The following TBCK variants were observed in gnomAD, a reference collection of about 807,000 sequenced individuals.
The protein encoded by TBCK is TBC1 domain containing kinase.
Under a neutral mutation model 113.4 loss-of-function variants are expected in TBCK, and 99 were observed. That is an observed-to-expected ratio of 0.87 (90% CI 0.74 to 1.03). The LOEUF (loss-of-function observed/expected upper bound fraction) is 1.03, where lower values mean the gene tolerates loss of function less well. Among genes scored for constraint, TBCK ranks in the 50% least tolerant of loss-of-function variants. The pLI, the probability that TBCK is intolerant of heterozygous loss-of-function variation, is 0.00. For synonymous variants in TBCK, 369 were observed against 370.8 expected, an observed-to-expected ratio of 1.00 and a Z score of 0.05; for missense variants, 1,045 against 1,061.3, an observed-to-expected ratio of 0.98 and a Z score of 0.21.
At chr4:106,222,235 T>C (rs960908671) in intron 19 of TBCK, among the ~76,000 whole-genome samples, 10 of 152,048 alleles carry the variant, frequency 6.6e-5, no homozygotes, top group Non-Finnish European at 1.2e-4. Flanking sequence ...CAATGAAATA[T>C]AAAATGAAAA....
chr4:106,194,182 C>T (rs1753959619), intron 21 of TBCK, among the ~76,000 whole-genome samples: 1 of 151,920 alleles, frequency 6.6e-6, no homozygotes, highest in South Asian at 2.1e-4. Flanking sequence ...TTGTAACTTC[C>T]TTTTTCTTAT....
chr4:106,174,207 T>G (rs1751361332), intron 22 of TBCK, among the ~76,000 whole-genome samples: 1 of 152,106 alleles, frequency 6.6e-6, no homozygotes, highest in Non-Finnish European at 1.5e-5. Context: ...TCTTAGGCTA[T>G]CCCCTATATT....
At chr4:106,226,952 T>C (rs958196940) in intron 19 of TBCK, among the ~76,000 whole-genome samples, 3 of 152,090 alleles carry the variant, frequency 2.0e-5, no homozygotes, top group Non-Finnish European at 4.4e-5. Flanking sequence ...TATAACATGG[T>C]CCTTGAAGTC....
In TBCK at chr4:106,296,438, G is replaced by A. The variant is rs1328176987; in HGVS notation, c.194-1272C>T. 2.0e-5 allele frequency among the ~76,000 whole-genome samples: 3 copies of A among 151,998 alleles called. No individual in the cohort carries two copies. In the East Asian group the frequency reaches 5.8e-4, roughly 29 times the overall value. ...TTGGTGAAAATGAAAAAGTAGCCAA[G>A]GTAGAAAAAAGAGACAGAAGAAGAT... is the stretch of plus-strand genomic sequence containing the variant. On this transcript the variant is annotated intron_variant, in intron 2 of 25. Coordinates refer to ENST00000394708, the MANE Select transcript of TBCK (RefSeq NM_001163435.3).
chr4:106,155,843 T>A (rs1411571061), intron 23 of TBCK, among the ~76,000 whole-genome samples: 1 of 152,096 alleles, frequency 6.6e-6, no homozygotes, highest in East Asian at 1.9e-4. Context: ...GAATTTCGAG[T>A]CTAAAAGGTC....
chr4:106,207,045 A>T (rs1214999933), intron 20 of TBCK, among the ~76,000 whole-genome samples: 10 of 152,156 alleles, frequency 6.6e-5, no homozygotes, highest in Non-Finnish European at 1.5e-4. Context: ...TACTTTCCTG[A>T]TCTCATTTTA....
chr4:106,260,367 C>T, intron 5 of TBCK, 70 bp downstream of exon 5: 1 of 608,710 alleles, frequency 1.6e-6, no homozygotes, highest in Middle Eastern at 3.9e-4. Context: ...ATATAATTAA[C>T]AAAATATACA....
In TBCK at chr4:106,045,541, T is replaced by C. The variant is rs899727050; in HGVS notation, c.*1029A>G. Reference sequence around the variant, plus strand: ...ACCACCCAAAGACTCTATTTCCAGTTTTCCTTAAAGCTAGGTGTGGCCATG... The same window carrying C: ...ACCACCCAAAGACTCTATTTCCAGTCTTCCTTAAAGCTAGGTGTGGCCATG... On this transcript the variant is annotated 3_prime_UTR_variant, in exon 26 of 26. Transcript: ENST00000394708. 3.3e-5 allele frequency: 5 copies of C among 152,222 alleles called. No homozygotes were observed. The highest frequency in any genetic ancestry group is 1.2e-4 in the African/African-American group (5 of 41,458). 9.4% of individuals were successfully genotyped at this position (152,222 alleles called of 1,614,324 possible). A position where few individuals can be genotyped will look rare whatever the true frequency, so the allele number is the denominator to read the frequency against.
At chr4:106,107,795 G>A (rs1742351324) in intron 24 of TBCK, among the ~76,000 whole-genome samples, 1 of 152,128 alleles carries the variant, frequency 6.6e-6, no homozygotes, top group Non-Finnish European at 1.5e-5. Context: ...TCAGGGTGAA[G>A]TGAAGGAAAT....
intron 25 of TBCK, among the ~76,000 whole-genome samples, chr4:106,085,854 G>C (rs183603306): frequency 1.3e-5 from 2 of 152,226 alleles, no homozygotes; most frequent in Admixed American, 1.3e-4. Flanking sequence ...AATGACTCCT[G>C]GGTAAATAAC....
At position 106,194,719 on chromosome 4, in the gene TBCK, A is replaced by G. The variant is rs540625784; in HGVS notation, c.1896T>C (p.Thr632=). The change falls in exon 21 of 26, where the codon ACT becomes ACC. Residue 632 remains threonine (T), a splice_region_variant and synonymous_variant. Transcript: ENST00000394708. ...YAIPWFLTMF[T]HVFPLHKIFH... is the part of the protein sequence containing the mutation. Reference sequence around the variant, plus strand: ...AAAACCGGGGGAAGTCATACTTACGAGTAAACATGGTAAGAAACCAAGGGA... The same window carrying G: ...AAAACCGGGGGAAGTCATACTTACGGGTAAACATGGTAAGAAACCAAGGGA... The G allele has an allele frequency of 1.3e-6, 2 of 1,594,986 alleles. No homozygotes were observed. Among genetic ancestry groups the G allele is most frequent in the East Asian group, 4.6e-5 (2 of 43,616 alleles).
At chr4:106,098,910 G>A (rs981283724) in intron 24 of TBCK, among the ~76,000 whole-genome samples, 2 of 151,936 alleles carry the variant, frequency 1.3e-5, no homozygotes, top group Non-Finnish European at 2.9e-5. Flanking sequence ...TCAAAAATTT[G>A]CATTAAACAG....
intron 2 of TBCK, among the ~76,000 whole-genome samples, chr4:106,301,549 C>T (rs753961952): frequency 2.6e-5 from 4 of 152,054 alleles, no homozygotes; most frequent in Non-Finnish European, 4.4e-5. Context: ...AAAATGTTTG[C>T]CATTCCTGAG....
At chr4:106,155,686 G>C (rs766791170) in intron 23 of TBCK, among the ~76,000 whole-genome samples, 2 of 151,984 alleles carry the variant, frequency 1.3e-5, no homozygotes, top group Non-Finnish European at 2.9e-5. Flanking sequence ...GCATTCTTCA[G>C]TATGCCAATT....
At chr4:106,133,281 T>C (rs1379055107) in intron 23 of TBCK, among the ~76,000 whole-genome samples, 4 of 152,284 alleles carry the variant, frequency 2.6e-5, no homozygotes, top group African/African-American at 7.2e-5. Flanking sequence ...TGAGATCTGA[T>C]GGTTTTATAA....
intron 25 of TBCK, 120 bp from the exon 26 acceptor site, chr4:106,046,800 TATA>T (rs1166927969): frequency 2.4e-5 from 13 of 533,732 alleles, no homozygotes; most frequent in South Asian, 8.3e-5. Flanking sequence ...GCCACCACTG[TATA>T]ATAAGTTGTC....
At chr4:106,100,400 G>C (rs1017155153) in intron 24 of TBCK, among the ~76,000 whole-genome samples, 2 of 152,134 alleles carry the variant, frequency 1.3e-5, no homozygotes, top group Non-Finnish European at 2.9e-5. Flanking sequence ...AACAATGCTT[G>C]CAAGTGTCAA....
chr4:106,199,582 T>C (rs1316710627), intron 20 of TBCK, among the ~76,000 whole-genome samples: 2 of 152,172 alleles, frequency 1.3e-5, no homozygotes, highest in African/African-American at 4.8e-5. Context: ...GTCTAACAGA[T>C]ACACATATCC....
Position 106,127,635 on chromosome 4 carries a change from A to G in TBCK, c.2236-11257T>C, listed in dbSNP as rs1223206712. On this transcript the variant is annotated intron_variant, in intron 23 of 25. Transcript: ENST00000394708. ...TGTTCATAGGCCTAAGTACACCTGAATCAACTGGGGTGTGTTCATGTGTGT... is the reference window on the plus strand; with the variant it reads ...TGTTCATAGGCCTAAGTACACCTGAGTCAACTGGGGTGTGTTCATGTGTGT... Among the ~76,000 whole-genome samples the G allele has an allele frequency of 2.0e-5, 3 of 152,076 alleles. No individual in the cohort carries two copies. The South Asian group carries it at 6.2e-4, about 31-fold the overall frequency.
Sources: allele counts gnomAD v4.1 joint callset (sites outside exome capture counted in the v4.1 genomes callset), GRCh38; gene constraint gnomAD v4.1.1; transcripts MANE v1.5; gene names NCBI Gene and HGNC (gene_info 2026-07-23, HGNC 2026-07-21).